The following KDM6B variants were observed in gnomAD, a reference collection of about 807,000 sequenced individuals.
The protein encoded by KDM6B is lysine-specific demethylase 6B.
In KDM6B, 22 loss-of-function variants were observed where a neutral mutation model predicts 150.4. The observed-to-expected ratio is 0.15, with a 90% confidence interval of 0.10 to 0.21. The LOEUF (loss-of-function observed/expected upper bound fraction) is 0.21. Among genes scored for constraint, KDM6B ranks in the 10% least tolerant of loss-of-function variants. KDM6B has a pLI of 1.00. For synonymous variants in KDM6B, 1,148 were observed against 921.1 expected, an observed-to-expected ratio of 1.25 and a Z score of -4.46; for missense variants, 1,984 against 2,234.3, an observed-to-expected ratio of 0.89 and a Z score of 2.26.
At position 7,849,867 on chromosome 17, in the gene KDM6B, G is replaced by T. The variant is rs370718101; in HGVS notation, c.3487G>T (p.Ala1163Ser). ...GTTTCGAGAGTCCTACCTTTCCCCT[G>T]CCCAGTCTGTGAAACCGAAGATCAA... ...GKFRESYLSPAQSVKPKINTE... is the reference protein window; with the variant it reads ...GKFRESYLSPSQSVKPKINTE... Residue 1163 changes from alanine to serine, a missense_variant, in exon 13 of 24, where the codon GCC (alanine) becomes TCC (serine). Ala to Ser is a moderately conservative substitution (Grantham distance 99, BLOSUM62 1). Coordinates refer to ENST00000448097, the MANE Select transcript of KDM6B (RefSeq NM_001348716.2). 5 of 1,612,720 alleles carry T rather than the reference G, an allele frequency of 3.1e-6. No homozygotes were observed. Among genetic ancestry groups the T allele is most frequent in the Non-Finnish European group, 4.2e-6 (5 of 1,179,842 alleles).
At position 7,847,192 on chromosome 17, in the gene KDM6B, G is replaced by C; in HGVS notation, c.997G>C (p.Ala333Pro). The C allele has an allele frequency of 6.2e-7, 1 of 1,601,560 alleles. No individual in the cohort carries two copies. The highest frequency in any genetic ancestry group is 8.5e-7 in the Non-Finnish European group (1 of 1,178,146). ...HPPGHRLVPAAPPGPGPRPPG... is the reference protein window; with the variant it reads ...HPPGHRLVPAPPPGPGPRPPG... ...CCCTGGCCACCGGCTGGTCCCGGCT[G>C]CTCCCCCAGGCCCAGGCCCCCGCCC... Residue 333 changes from alanine (A) to proline (P), a missense_variant, in exon 11 of 24, where the codon GCT becomes CCT. By Grantham distance (27) the Ala-to-Pro change is conservative (BLOSUM62 -1). Around this residue, in one of 13 missense-constraint regions of KDM6B, gnomAD observed 1,379 missense variants for 1,275.6 expected, o/e 1.08. Transcript: ENST00000448097.
At chr17:7,834,617 C>T (rs2078293598) in intron 1 of KDM6B, among the ~76,000 whole-genome samples, 1 of 134,586 alleles carries the variant, frequency 7.4e-6, no homozygotes, top group Non-Finnish European at 1.7e-5. Context: ...CTGGGATTCC[C>T]CTTCCCGACT....
rs753746407 is a variant in KDM6B at position 7,847,336 on chromosome 17, G to T, written c.1141G>T (p.Ala381Ser). ...DSSVSPAATT[A>S]CVPYAPSRPP... ...CAGCGTTTCACCAGCAGCAACCACC[G>T]CCTGCGTGCCTTACGCCCCTTCCCG... is the stretch of plus-strand genomic sequence containing the variant. The change falls in exon 11 of 24, where the codon GCC becomes TCC. Residue 381 changes from alanine (A) to serine (S), a missense_variant. Coordinates refer to ENST00000448097, the MANE Select transcript of KDM6B (RefSeq NM_001348716.2). 6.2e-7 allele frequency: 1 copy of T among 1,610,232 alleles called. No homozygotes were observed. The highest frequency in any genetic ancestry group is 1.1e-5 in the South Asian group (1 of 91,078).
In KDM6B at chr17:7,854,322, C is replaced by T. The variant is rs924526415; in HGVS notation, c.*801C>T. 6.5e-6 allele frequency: 1 copy of T among 152,678 alleles called. No individual in the cohort carries two copies. The highest frequency in any genetic ancestry group is 1.5e-5 in the Non-Finnish European group (1 of 68,068). The allele number at this position is 152,678 out of a possible 1,614,324, so 9.5% of individuals were successfully genotyped here. The stretch of plus-strand genomic sequence containing the variant: ...CTGCACTTTCTCGGACCAGTCCCCC[C>T]ACTCCCGACCCGACCCCAGCCCCAC... On this transcript the variant is annotated 3_prime_UTR_variant, in exon 24 of 24. Coordinates refer to ENST00000448097, the MANE Select transcript of KDM6B (RefSeq NM_001348716.2).
At chr17:7,841,618 G>C (rs2078415281) in intron 2 of KDM6B, among the ~76,000 whole-genome samples, 1 of 152,218 alleles carries the variant, frequency 6.6e-6, no homozygotes, top group Non-Finnish European at 1.5e-5. Flanking sequence ...CACAGAGGGA[G>C]ACAAGATGAG....
chr17:7,846,627 G>A lies in KDM6B; in HGVS notation c.598G>A (p.Ala200Thr), dbSNP rs1341286310. The A allele has an allele frequency of 1.2e-6, 2 of 1,614,132 alleles. No individual in the cohort carries two copies. Among genetic ancestry groups the A allele is most frequent in the Middle Eastern group, 1.6e-4 (1 of 6,062 alleles). ...GCGGGGAGGTCCCCCGGTGAAGCGA[G>A]CTGCTGAACCCCCAGTGGTGCAGCC... ...AKRGGPPVKR[A>T]AEPPVVQPVP... The change falls in exon 9 of 24, where the codon GCT (alanine) becomes ACT (threonine). Residue 200 changes from alanine (A) to threonine (T), a missense_variant. This residue lies in a region of KDM6B where 337 missense variants were observed against 323.9 expected (regional missense o/e 1.04). Coordinates refer to ENST00000448097, the MANE Select transcript of KDM6B (RefSeq NM_001348716.2).
rs1315262230 is a variant in KDM6B, at chr17:7,846,460, C to T, written c.517C>T (p.Leu173=). The T allele has an allele frequency of 1.2e-6, 2 of 1,613,928 alleles. No individual in the cohort carries two copies. The highest frequency in any genetic ancestry group is 1.1e-5 in the South Asian group (1 of 91,076). Residue 173 remains leucine (L), a synonymous_variant, in exon 8 of 24, where the codon CTG becomes TTG. Coordinates refer to ENST00000448097, the MANE Select transcript of KDM6B (RefSeq NM_001348716.2). ...GCACCGAGCCAAGGTCCTGCCCCCA[C>T]TGGAGCAAGTGTGGAACTTGCTACA... ...CQHRAKVLPP[L]EQVWNLLHLE...
rs574538451 is a variant in KDM6B, at chr17:7,843,432, C to T, written c.-268-1469C>T. On this transcript the variant is annotated intron_variant, in intron 2 of 23. Transcript: ENST00000448097. This position sits in a 1 kb window ranked among gnomAD's most constrained non-coding sequence, Gnocchi z 4.5. ...AGAGGGTCCGCGGGGCCCAAGCGACCACAAGGGCTTGGCGGAGAGTGGCAC... is the reference window on the plus strand; with the variant it reads ...AGAGGGTCCGCGGGGCCCAAGCGACTACAAGGGCTTGGCGGAGAGTGGCAC... Among the ~76,000 whole-genome samples the T allele has an allele frequency of 6.6e-6, 1 of 152,314 alleles. No homozygotes were observed. Among genetic ancestry groups the T allele is most frequent in the African/African-American group, 2.4e-5 (1 of 41,584 alleles).
At chr17:7,847,066 C>T (rs753165743) in intron 10 of KDM6B, 39 bp from the exon 11 acceptor site, 10 of 1,610,956 alleles carry the variant, frequency 6.2e-6, no homozygotes, top group South Asian at 1.1e-5. Context: ...GTCCCACGCT[C>T]TCTATTCCTC....
Position 7,848,644 on chromosome 17 carries a change from C to G in KDM6B, c.2356C>G (p.Pro786Ala), listed in dbSNP as rs1272951891. 1 of 1,602,276 alleles carries G rather than the reference C, an allele frequency of 6.2e-7. No individual in the cohort carries two copies. The highest frequency in any genetic ancestry group is 8.5e-7 in the Non-Finnish European group (1 of 1,174,952). The change falls in exon 12 of 24, where the codon CCA becomes GCA. Residue 786 changes from proline to alanine, a missense_variant. By Grantham distance (27) the Pro-to-Ala change is conservative (BLOSUM62 -1). Transcript: ENST00000448097. ...PPPPPLAKFP[P>A]PSQPQPPPPP... ...ACCACCGCCTCTAGCCAAGTTCCCT[C>G]CACCCTCTCAGCCACAGCCACCACC...
rs750603514 is a variant in KDM6B at position 7,848,260 on chromosome 17, C to T, written c.1972C>T (p.Pro658Ser). 4 of 1,612,300 alleles carry T rather than the reference C, an allele frequency of 2.5e-6. No individual in the cohort carries two copies. In the South Asian group the frequency reaches 4.4e-5, roughly 18 times the overall value. ...PLSKAPQPVP[P>S]GVGELPARGP... ...GAGTAAAGCCCCCCAGCCTGTGCCG[C>T]CCGGGGTTGGGGAGCTGCCTGCCCG... The change falls in exon 12 of 24, where the codon CCC (proline) becomes TCC (serine). Residue 658 changes from proline (P) to serine (S), a missense_variant. Pro to Ser is a moderately conservative substitution (Grantham distance 74, BLOSUM62 -1). Around this residue, in one of 13 missense-constraint regions of KDM6B, gnomAD observed 1,379 missense variants for 1,275.6 expected, o/e 1.08. Coordinates refer to ENST00000448097, the MANE Select transcript of KDM6B (RefSeq NM_001348716.2).
rs530945253 is a variant in KDM6B, at chr17:7,847,647, C to T, written c.1359C>T (p.Pro453=). ...GTCGGAAACCGTTCTTGGGGGCTCC[C>T]GCTGCCACTCCCCACCTATCCCTGC... ...HSSRKPFLGA[P]AATPHLSLPP... Residue 453 remains proline, a synonymous_variant, in exon 12 of 24, where the codon CCC becomes CCT. Coordinates refer to ENST00000448097, the MANE Select transcript of KDM6B (RefSeq NM_001348716.2). 258 of 1,610,616 alleles carry T rather than the reference C, an allele frequency of 1.6e-4. No homozygotes were observed. Among genetic ancestry groups the T allele is most frequent in the South Asian group, 1.2e-3 (111 of 90,904 alleles).
intron 21 of KDM6B, 110 bp downstream of exon 21, chr17:7,852,746 G>GC (rs1466126284): frequency 1.3e-6 from 2 of 1,493,636 alleles, no homozygotes; most frequent in Non-Finnish European, 1.9e-6. Flanking sequence ...GTCTGCCTGT[G>GC]CCCCGAGTGT....
chr17:7,845,664 C>T lies in KDM6B; in HGVS notation c.110C>T (p.Pro37Leu), dbSNP rs747558929. 3.7e-5 allele frequency: 60 copies of T among 1,614,080 alleles called. No homozygotes were observed. The highest frequency in any genetic ancestry group is 4.7e-5 in the Non-Finnish European group (56 of 1,180,050). Residue 37 changes from proline (P) to leucine (L), a missense_variant, in exon 5 of 24, where the codon CCT becomes CTT. By Grantham distance (98) the Pro-to-Leu change is moderately conservative (BLOSUM62 -3). This residue lies in a region of KDM6B where 337 missense variants were observed against 323.9 expected (regional missense o/e 1.04). Coordinates refer to ENST00000448097, the MANE Select transcript of KDM6B (RefSeq NM_001348716.2). ...AWSSCPPHPPPRSAWLPGGRC... is the reference protein window; with the variant it reads ...AWSSCPPHPPLRSAWLPGGRC... ...AGCTCCTGCCCGCCTCATCCCCCTC[C>T]TCGTAGCGCATGGCTGCCTGGAGGC...
At position 7,848,361 on chromosome 17, in the gene KDM6B, A is replaced by G. The variant is rs1461983520; in HGVS notation, c.2073A>G (p.Leu691=). 3 of 1,612,712 alleles carry G rather than the reference A, an allele frequency of 1.9e-6. No individual in the cohort carries two copies. Residue 691 remains leucine (L), a synonymous_variant, in exon 12 of 24, where the codon CTA becomes CTG. Coordinates refer to ENST00000448097, the MANE Select transcript of KDM6B (RefSeq NM_001348716.2). ...AGGAGCCAGCCGAATTCAAGATCCT[A>G]CCTGATGGGCTGGCCAACATCATGA... ...QFEEPAEFKI[L]PDGLANIMKM...
Position 7,851,369 on chromosome 17 carries a change from G to C in KDM6B, c.3919G>C (p.Asp1307His), listed in dbSNP as rs2078690180. Residue 1307 changes from aspartate (D) to histidine (H), a missense_variant, in exon 16 of 24, where the codon GAC becomes CAC. This residue lies in a region of KDM6B where 41 missense variants were observed against 38.4 expected (regional missense o/e 1.07). Coordinates refer to ENST00000448097, the MANE Select transcript of KDM6B (RefSeq NM_001348716.2). The part of the protein sequence containing the change: ...ESEDEESEEP[D>H]STTGTPPSSA... The stretch of plus-strand genomic sequence containing the variant: ...TGAGGATGAGGAGTCAGAGGAGCCA[G>C]ACAGCACCACTGGAACCCCTCCTAG... The C allele has an allele frequency of 6.2e-7, 1 of 1,614,210 alleles. No homozygotes were observed. The highest frequency in any genetic ancestry group is 2.2e-5 in the East Asian group (1 of 44,888).
intron 23 of KDM6B, 29 bp downstream of exon 23, chr17:7,853,409 G>A: frequency 1.4e-5 from 22 of 1,533,992 alleles, no homozygotes; most frequent in Non-Finnish European, 1.8e-5. Context: ...CGCGGGCAGC[G>A]GAGGAGGGCA....
Position 7,848,642 on chromosome 17 carries a change from C to T in KDM6B, c.2354C>T (p.Pro785Leu), listed in dbSNP as rs745930165. ...CCACCACCGCCTCTAGCCAAGTTCC[C>T]TCCACCCTCTCAGCCACAGCCACCA... ...LPPPPPLAKF[P>L]PPSQPQPPPP... The change falls in exon 12 of 24, where the codon CCT (proline) becomes CTT (leucine). Residue 785 changes from proline (P) to leucine (L), a missense_variant. By Grantham distance (98) the Pro-to-Leu change is moderately conservative (BLOSUM62 -3). Around this residue, in one of 13 missense-constraint regions of KDM6B, gnomAD observed 1,379 missense variants for 1,275.6 expected, o/e 1.08. Coordinates refer to ENST00000448097, the MANE Select transcript of KDM6B (RefSeq NM_001348716.2). The T allele has an allele frequency of 5.6e-6, 9 of 1,601,826 alleles. No individual in the cohort carries two copies. The highest frequency in any genetic ancestry group is 2.7e-5 in the African/African-American group (2 of 74,640).
rs959901219 is a variant in KDM6B, at chr17:7,844,898, C to T, written c.-268-3C>T. 22 of 161,792 alleles carry T rather than the reference C, an allele frequency of 1.4e-4. 2 individuals carry two copies. The highest frequency in any genetic ancestry group is 1.4e-5 in the Non-Finnish European group (1 of 72,412). 10.0% of individuals were successfully genotyped at this position (161,792 alleles called of 1,614,324 possible). ...TCACCTCGCTCCCATTGGTTCCGGC[C>T]AGGCTGTTACTGAGGCGGAGACACG... On this transcript the variant is annotated splice_region_variant and splice_polypyrimidine_tract_variant and intron_variant, in intron 2 of 23. Transcript: ENST00000448097. This position sits in a 1 kb window ranked among gnomAD's most constrained non-coding sequence, Gnocchi z 5.9.
Sources: allele counts gnomAD v4.1 joint callset (sites outside exome capture counted in the v4.1 genomes callset), GRCh38; gene constraint gnomAD v4.1.1; regional missense constraint gnomAD v4.1.1; non-coding constraint Gnocchi (gnomAD v3.1); transcripts MANE v1.5; gene names NCBI Gene and HGNC (gene_info 2026-07-23, HGNC 2026-07-21).